SGCD: variants seen among roughly 807,000 people sequenced by gnomAD.
The protein encoded by SGCD is sarcoglycan delta.
Under a neutral mutation model 36.6 loss-of-function variants are expected in SGCD, and 18 were observed. The ratio of observed to expected loss-of-function variants is 0.49; its 90% CI spans 0.34 to 0.73. The LOEUF (loss-of-function observed/expected upper bound fraction) is 0.73. Among genes scored for constraint, SGCD ranks in the 30% least tolerant of loss-of-function variants. The probability of loss-of-function intolerance (pLI) is 0.01; values close to 1 mark genes in which losing one functional copy is unlikely to be tolerated. For missense variants in SGCD, 387 were observed against 346.7 expected (o/e 1.12, Z -0.92); for synonymous variants, 133 against 130.6 (o/e 1.02, Z -0.12).
At chr5:156,609,216 C>A (rs138095347) in intron 6 of SGCD, among the ~76,000 whole-genome samples, 41 of 151,936 alleles carry the variant, frequency 2.7e-4, no homozygotes, top group East Asian at 5.8e-4. Flanking sequence ...TGCTTCCTTC[C>A]GGAGCTGTTT....
intron 1 of SGCD, among the ~76,000 whole-genome samples, chr5:155,974,330 T>C (rs1228561525): frequency 6.6e-6 from 1 of 152,044 alleles, no homozygotes; most frequent in Non-Finnish European, 1.5e-5. Flanking sequence ...ACTACAAAGT[T>C]GTAAGGCAAC....
chr5:156,699,441 G>A (rs1375939093), intron 7 of SGCD, among the ~76,000 whole-genome samples: 7 of 152,062 alleles, frequency 4.6e-5, no homozygotes, highest in Admixed American at 3.9e-4. Context: ...GTACCTGCAT[G>A]CGGAGTTTGA....
intron 3 of SGCD, among the ~76,000 whole-genome samples, chr5:156,452,175 A>G (rs1754050477): frequency 6.6e-6 from 1 of 151,960 alleles, no homozygotes; most frequent in East Asian, 1.9e-4. Context: ...CTGCATTTCC[A>G]CTGCCCAATT....
At chr5:156,366,075 C>G (rs1770088700) in intron 3 of SGCD, among the ~76,000 whole-genome samples, 1 of 152,178 alleles carries the variant, frequency 6.6e-6, no homozygotes, top group African/African-American at 2.4e-5. Context: ...AAAAGCCTTC[C>G]TGACAAAATG....
At chr5:155,820,266 G>GT in the SGCD span, among the ~76,000 whole-genome samples, 2 of 152,030 alleles carry the variant, frequency 1.3e-5, no homozygotes, top group Non-Finnish European at 2.9e-5. Context: ...ACTACTTTTT[G>GT]TTTTTTCTGA....
At chr5:156,721,583 T>C (rs955179322) in intron 7 of SGCD, among the ~76,000 whole-genome samples, 1 of 152,096 alleles carries the variant, frequency 6.6e-6, no homozygotes, top group African/African-American at 2.4e-5. Context: ...TAGGCAGTAG[T>C]TGAAGGGGAA....
intron 6 of SGCD, among the ~76,000 whole-genome samples, chr5:156,644,073 C>A (rs1182638727): frequency 6.6e-6 from 1 of 152,120 alleles, no homozygotes; most frequent in African/African-American, 2.4e-5. Context: ...AGTTTAAATT[C>A]TTAAACAATT....
chr5:156,589,211 CTCTTATTT>C lies in SGCD; in HGVS notation c.295-12_295-5del. ...AGAAATCTATCATTTTCATGTCTTT[CTCTTATTT>C]TCTTATTGCAGGGTAATGCCCTGTA... is the stretch of plus-strand genomic sequence containing the variant. On this transcript the variant is annotated splice_polypyrimidine_tract_variant and intron_variant, in intron 4 of 8. Coordinates refer to ENST00000337851, the MANE Select transcript of SGCD (RefSeq NM_000337.6). 6.7e-7 allele frequency: 1 copy of C among 1,485,304 alleles called. No homozygotes were observed. The allele number at this position is 1,485,304 out of a possible 1,614,324, so 92.0% of individuals were successfully genotyped here. A position where few individuals can be genotyped will look rare whatever the true frequency, so the allele number is the denominator to read the frequency against.
intron 4 of SGCD, among the ~76,000 whole-genome samples, chr5:156,543,503 G>C (rs1758435451): frequency 6.6e-6 from 1 of 152,148 alleles, no homozygotes; most frequent in African/African-American, 2.4e-5. Context: ...CTCTGAACTT[G>C]ACTGTTGTGG....
In SGCD at chr5:156,539,651, C is replaced by T. The variant is rs181246682; in HGVS notation, c.294+30949C>T. On this transcript the variant is annotated intron_variant, in intron 4 of 8. Coordinates refer to ENST00000337851, the MANE Select transcript of SGCD (RefSeq NM_000337.6). ...ATATATATCATATTTTCTTTATCCA[C>T]TTGTTGATTGATGGGCACTGAGGTT... 4.5e-3 allele frequency among the ~76,000 whole-genome samples: 689 copies of T among 152,138 alleles called. 4 individuals are homozygous for T. Among genetic ancestry groups the T allele is most frequent in the African/African-American group, 0.014 (574 of 41,524 alleles).
At chr5:156,498,465 A>G (rs547098624) in intron 3 of SGCD, among the ~76,000 whole-genome samples, 1 of 152,056 alleles carries the variant, frequency 6.6e-6, no homozygotes, top group South Asian at 2.1e-4. Flanking sequence ...CCACTAATCT[A>G]CTTTCTGTCT....
intron 1 of SGCD, among the ~76,000 whole-genome samples, chr5:156,063,169 A>G (rs1760274022): frequency 2.0e-4 from 1 of 4,956 alleles, no homozygotes. Context: ...CAGTTTTCCC[A>G]GCACCATTTA....
intron 3 of SGCD, among the ~76,000 whole-genome samples, chr5:156,212,749 C>A (rs1251776419): frequency 2.0e-5 from 3 of 152,118 alleles, no homozygotes; most frequent in African/African-American, 7.2e-5. Context: ...CACGTTAGGC[C>A]ACAAAGCAAG....
chr5:155,786,705 C>G, the SGCD span, among the ~76,000 whole-genome samples: 1 of 152,140 alleles, frequency 6.6e-6, no homozygotes, highest in Non-Finnish European at 1.5e-5. Flanking sequence ...ACATAATAAA[C>G]AGGTTATGTA....
At chr5:156,522,046 G>A (rs1044507284) in intron 4 of SGCD, among the ~76,000 whole-genome samples, 1 of 152,090 alleles carries the variant, frequency 6.6e-6, no homozygotes, top group Non-Finnish European at 1.5e-5. Flanking sequence ...TCCTTCGAAG[G>A]GACATAGATG....
At chr5:155,895,382 T>G (rs1437368804) in intron 1 of SGCD, among the ~76,000 whole-genome samples, 2 of 152,224 alleles carry the variant, frequency 1.3e-5, no homozygotes, top group African/African-American at 2.4e-5. Context: ...ATGTGATTGC[T>G]ACATGAATTT....
chr5:156,406,243 T>C (rs1772401110), intron 3 of SGCD, among the ~76,000 whole-genome samples: 1 of 152,088 alleles, frequency 6.6e-6, no homozygotes, highest in Non-Finnish European at 1.5e-5. Context: ...TGAAGCATCA[T>C]GTTGTAATTC....
chr5:156,596,199 A>G (rs1274748946), intron 6 of SGCD, among the ~76,000 whole-genome samples: 2 of 152,118 alleles, frequency 1.3e-5, no homozygotes, highest in African/African-American at 4.8e-5. Context: ...TACTACTTAT[A>G]CTACTATTAC....
At chr5:156,358,310 T>G (rs1438220638) in intron 3 of SGCD, among the ~76,000 whole-genome samples, 1 of 152,246 alleles carries the variant, frequency 6.6e-6, no homozygotes, top group Non-Finnish European at 1.5e-5. Flanking sequence ...AATTGAAACC[T>G]GCATTGCAAT....
Sources: gnomAD v4.1 joint callset for allele counts (sites outside exome capture counted in the v4.1 genomes callset) on GRCh38, gnomAD v4.1.1 for gene constraint, MANE v1.5 for transcripts, NCBI Gene and HGNC (gene_info 2026-07-23, HGNC 2026-07-21) for gene names.